The following PLOD2 variants were observed in gnomAD, a reference collection of about 807,000 sequenced individuals.
PLOD2 encodes procollagen-lysine,2-oxoglutarate 5-dioxygenase 2.
Under a neutral mutation model 101.0 loss-of-function variants are expected in PLOD2, and 65 were observed. That is an observed-to-expected ratio of 0.64 (90% confidence interval 0.53 to 0.79). The LOEUF is 0.79. Ranked by LOEUF, PLOD2 falls within the 30% of genes least tolerant of loss-of-function variation. PLOD2 has a pLI of 0.00. For synonymous variants in PLOD2, 314 were observed against 302.9 expected (o/e 1.04, Z -0.38); for missense variants, 909 against 914.6 (o/e 0.99, Z 0.08).
In PLOD2 at chr3:146,085,525, A is replaced by T. The variant is rs546262402; in HGVS notation, c.1128-252T>A. 15 of 521,324 alleles carry T rather than the reference A, an allele frequency of 2.9e-5. No individual in the cohort carries two copies. The East Asian group carries it at 4.0e-4, about 14-fold the overall frequency. 32.3% of individuals were successfully genotyped at this position (521,324 alleles called of 1,614,324 possible). The stretch of plus-strand genomic sequence containing the variant: ...GTTAAAATATATTTTCAAGCCAGTA[A>T]ATATTTTAAGGCATAAAACATCCAC... On this transcript the variant is annotated intron_variant, in intron 10 of 19. Transcript: ENST00000282903.
In PLOD2 at chr3:146,076,801, T is replaced by C. The variant is rs148051196; in HGVS notation, c.1658A>G (p.Gln553Arg). 164 of 1,545,372 alleles carry C rather than the reference T, an allele frequency of 1.1e-4. 1 individual carries two copies. The East Asian group carries it at 3.7e-3, about 35-fold the overall frequency. Residue 553 changes from glutamine to arginine, a missense_variant, in exon 15 of 20, where the codon CAG (glutamine) becomes CGG (arginine). By Grantham distance (43) the Gln-to-Arg change is conservative. Coordinates refer to ENST00000282903, the MANE Select transcript of PLOD2 (RefSeq NM_182943.3). ...ACATACCACAGGATTTTCAAAAATCTGCCAGAGGTCATTGTTATAATGGGA... is the reference window on the plus strand; with the variant it reads ...ACATACCACAGGATTTTCAAAAATCCGCCAGAGGTCATTGTTATAATGGGA... ...NTSHYNNDLW[Q>R]IFENPVDWKE...
At chr3:146,127,725 C>T (rs1400157167) in intron 1 of PLOD2, among the ~76,000 whole-genome samples, 13 of 152,016 alleles carry the variant, frequency 8.6e-5, no homozygotes, top group Admixed American at 7.2e-4. Context: ...ACTTCTCAAA[C>T]GAAGAAATAC....
intron 1 of PLOD2, among the ~76,000 whole-genome samples, chr3:146,152,414 C>T (rs1168430174): frequency 1.3e-5 from 2 of 151,046 alleles, no homozygotes; most frequent in Non-Finnish European, 2.9e-5. Flanking sequence ...AGCAAGACTC[C>T]GTCTCAAAAA....
intron 1 of PLOD2, among the ~76,000 whole-genome samples, chr3:146,158,163 A>G (rs1270981520): frequency 6.6e-6 from 1 of 152,082 alleles, no homozygotes; most frequent in Non-Finnish European, 1.5e-5. Flanking sequence ...TCCTTATCCC[A>G]TCTAGAAGGC....
intron 1 of PLOD2, among the ~76,000 whole-genome samples, chr3:146,140,691 C>G (rs753063270): frequency 2.0e-5 from 3 of 152,068 alleles, no homozygotes; most frequent in Admixed American, 1.3e-4. Context: ...AACCATGGTG[C>G]CTTTCAACTT....
chr3:146,097,493 C>T (rs1937239790), intron 7 of PLOD2, among the ~76,000 whole-genome samples: 1 of 109,588 alleles, frequency 9.1e-6, no homozygotes, highest in Non-Finnish European at 1.9e-5. Flanking sequence ...TGATCTGTGA[C>T]CTTATCCCCA....
At chr3:146,098,769 A>G (rs1937287156) in intron 7 of PLOD2, among the ~76,000 whole-genome samples, 1 of 152,158 alleles carries the variant, frequency 6.6e-6, no homozygotes, top group African/African-American at 2.4e-5. Context: ...GTTCAATATT[A>G]TGGCTCAAAA....
At chr3:146,119,404 TAATAC>T (rs1317479325) in intron 3 of PLOD2, among the ~76,000 whole-genome samples, 5 of 151,986 alleles carry the variant, frequency 3.3e-5, no homozygotes, top group African/African-American at 1.2e-4. Flanking sequence ...AAGAACTGAT[TAATAC>T]AATAGTTTTA....
intron 7 of PLOD2, among the ~76,000 whole-genome samples, chr3:146,102,209 C>T (rs1347082759): frequency 3.3e-5 from 5 of 152,176 alleles, no homozygotes; most frequent in Non-Finnish European, 5.9e-5. Context: ...ACAAACTTTT[C>T]ATCTATAAAT....
In PLOD2 at chr3:146,079,144, A is replaced by G. The variant is rs371863495; in HGVS notation, c.1472T>C (p.Met491Thr). ...TTCTCTAGCATTTCGGCAAAGAGCC[A>G]TATCAGGATCCAGTTTATCACGAAC... is the stretch of plus-strand genomic sequence containing the variant. ...YFVRDKLDPD[M>T]ALCRNAREMT... The change falls in exon 13 of 20, where the codon ATG becomes ACG. Residue 491 changes from methionine to threonine, a missense_variant. Transcript: ENST00000282903. 11 of 1,612,890 alleles carry G rather than the reference A, an allele frequency of 6.8e-6. No homozygotes were observed. The highest frequency in any genetic ancestry group is 4.5e-5 in the East Asian group (2 of 44,826).
chr3:146,072,477 A>C, intron 17 of PLOD2, 84 bp downstream of exon 17: 3 of 878,724 alleles, frequency 3.4e-6, no homozygotes, highest in Non-Finnish European at 5.7e-6. Flanking sequence ...CATATGAGAA[A>C]AAGTATATAA....
chr3:146,082,640 C>T lies in PLOD2; in HGVS notation c.1233-777G>A, dbSNP rs543729603. ...CGGCGCAGTGGCTCATGCCTGTAAT[C>T]CCAGCACTTTGGGAAGCCGAGGCGG... is the stretch of plus-strand genomic sequence containing the variant. On this transcript the variant is annotated intron_variant, in intron 11 of 19. Transcript: ENST00000282903. 2.0e-5 allele frequency among the ~76,000 whole-genome samples: 3 copies of T among 152,250 alleles called. No individual in the cohort carries two copies. The South Asian group carries it at 6.2e-4, about 32-fold the overall frequency.
chr3:146,092,029 T>C (rs1402679295), intron 7 of PLOD2, 128 bp from the exon 8 acceptor site: 3 of 669,322 alleles, frequency 4.5e-6, no homozygotes, highest in Non-Finnish European at 8.3e-6. Context: ...TCTACTAATA[T>C]ATCATCTGTA....
At position 146,110,709 on chromosome 3, in the gene PLOD2, G is replaced by T. The variant is rs3804660; in HGVS notation, c.339-261C>A. Among the ~76,000 whole-genome samples, 76,574 of 151,900 alleles carry T rather than the reference G, an allele frequency of 0.5. 19,371 individuals are homozygous for T. The highest frequency in any genetic ancestry group is 0.56 in the East Asian group (2,906 of 5,164). ...GTGTTAGCCTTAATTTTTTTTTCAG[G>T]AATCACTTATTCCCAAATTGAAATT... On this transcript the variant is annotated intron_variant, in intron 3 of 19. Coordinates refer to ENST00000282903, the MANE Select transcript of PLOD2 (RefSeq NM_182943.3).
chr3:146,103,809 A>G (rs1459124267), intron 6 of PLOD2, among the ~76,000 whole-genome samples: 1 of 143,684 alleles, frequency 7.0e-6, no homozygotes, highest in African/African-American at 2.6e-5. Flanking sequence ...GCACATATGC[A>G]TATCCACACG....
chr3:146,084,415 A>C (rs1936686000), intron 11 of PLOD2, among the ~76,000 whole-genome samples: 1 of 152,152 alleles, frequency 6.6e-6, no homozygotes, highest in South Asian at 2.1e-4. Context: ...TTAATAAAGC[A>C]TACTACATTT....
At chr3:146,090,091 A>C (rs1200014664) in intron 8 of PLOD2, among the ~76,000 whole-genome samples, 1 of 151,218 alleles carries the variant, frequency 6.6e-6, no homozygotes, top group Admixed American at 6.6e-5. Flanking sequence ...AAATTTATAC[A>C]AATAGAATAT....
chr3:146,070,485 T>G lies in PLOD2; in HGVS notation c.*232A>C. 1 of 322,660 alleles carries G rather than the reference T, an allele frequency of 3.1e-6. No individual in the cohort carries two copies. Among genetic ancestry groups the G allele is most frequent in the Non-Finnish European group, 5.7e-6 (1 of 176,726 alleles). 20.0% of individuals were successfully genotyped at this position (322,660 alleles called of 1,614,324 possible). On this transcript the variant is annotated 3_prime_UTR_variant, in exon 20 of 20. Coordinates refer to ENST00000282903, the MANE Select transcript of PLOD2 (RefSeq NM_182943.3). ...GGCAACAAAGCATAGAAATAAATAT[T>G]TAAGTTTTTTCTTTCTTTTCTTCTT...
At chr3:146,084,226 C>T (rs1317101710) in intron 11 of PLOD2, among the ~76,000 whole-genome samples, 1 of 151,986 alleles carries the variant, frequency 6.6e-6, no homozygotes, top group East Asian at 1.9e-4. Context: ...TGGAAAATTA[C>T]CTACGATGTA....
Sources: allele counts gnomAD v4.1 joint callset (sites outside exome capture counted in the v4.1 genomes callset), GRCh38; gene constraint gnomAD v4.1.1; transcripts MANE v1.5; gene names NCBI Gene and HGNC (gene_info 2026-07-23, HGNC 2026-07-21).